FER: variants seen among roughly 807,000 people sequenced by gnomAD.
FER encodes FER tyrosine kinase.
A neutral mutation model predicts 111.0 loss-of-function variants in FER; 63 were observed. The ratio of observed to expected loss-of-function variants is 0.57; its 90% CI spans 0.46 to 0.70. The LOEUF is 0.70. Ranked by LOEUF, FER falls within the 30% of genes least tolerant of loss-of-function variation. FER has a pLI of 0.00. For missense variants in FER, 914 were observed against 954.0 expected (o/e 0.96, Z 0.55); for synonymous variants, 327 against 313.9 (o/e 1.04, Z -0.44).
chr5:109,171,930 T>C (rs1213131509), intron 17 of FER, among the ~76,000 whole-genome samples: 1 of 152,130 alleles, frequency 6.6e-6, no homozygotes, highest in Non-Finnish European at 1.5e-5. Flanking sequence ...AAAACCACAG[T>C]GAGATACCAT....
At chr5:108,991,193 C>A (rs1763122569) in intron 13 of FER, among the ~76,000 whole-genome samples, 1 of 151,732 alleles carries the variant, frequency 6.6e-6, no homozygotes, top group Non-Finnish European at 1.5e-5. Context: ...GCATGTCTGT[C>A]TCATTTTGTA....
At chr5:109,092,278 T>C (rs1224600743) in intron 16 of FER, among the ~76,000 whole-genome samples, 1 of 77,726 alleles carries the variant, frequency 1.3e-5, no homozygotes, top group Admixed American at 2.1e-4. Context: ...AAAAACCTTA[T>C]GATGGCAAAA....
chr5:108,997,305 C>T, intron 13 of FER, among the ~76,000 whole-genome samples: 1 of 149,910 alleles, frequency 6.7e-6, no homozygotes, highest in Non-Finnish European at 1.5e-5. Context: ...GTAGTCCCAG[C>T]TACTCGGGAG....
chr5:109,146,776 G>A (rs1754267745), intron 17 of FER, among the ~76,000 whole-genome samples: 1 of 152,040 alleles, frequency 6.6e-6, no homozygotes, highest in Non-Finnish European at 1.5e-5. Context: ...AGGTTAATAT[G>A]TTGCTCCATA....
At chr5:109,108,451 G>A (rs1357415225) in intron 17 of FER, among the ~76,000 whole-genome samples, 1 of 152,148 alleles carries the variant, frequency 6.6e-6, no homozygotes, top group Non-Finnish European at 1.5e-5. Flanking sequence ...AAGCCTTGTT[G>A]TAGGGAGAAG....
Position 108,949,067 on chromosome 5 carries a change from T to TGGAA in FER, c.1329+2845_1329+2846insGGAA, listed in dbSNP as rs1757381028. On this transcript the variant is annotated intron_variant, in intron 11 of 19. Transcript: ENST00000281092. ...TATTAGAAAATAAAAATTGCTTCCT[T>TGGAA]CATATAGAATAATATTGTAAGTAAG... is the stretch of plus-strand genomic sequence containing the variant. 2.0e-5 allele frequency among the ~76,000 whole-genome samples: 3 copies of TGGAA among 152,246 alleles called. No individual in the cohort carries two copies. In the East Asian group the frequency reaches 5.8e-4, roughly 29 times the overall value.
intron 18 of FER, among the ~76,000 whole-genome samples, chr5:109,184,376 A>G (rs565316290): frequency 6.6e-6 from 1 of 152,154 alleles, no homozygotes; most frequent in South Asian, 2.1e-4. Flanking sequence ...TATGAAGATC[A>G]AGTGAGACAT....
intron 8 of FER, among the ~76,000 whole-genome samples, chr5:108,876,563 G>A (rs1158126471): frequency 6.6e-6 from 1 of 152,136 alleles, no homozygotes; most frequent in Non-Finnish European, 1.5e-5. Context: ...TTTCAAATGT[G>A]GCACTTTTAA....
intron 9 of FER, among the ~76,000 whole-genome samples, chr5:108,887,238 A>G (rs1378346341): frequency 2.6e-5 from 4 of 151,718 alleles, no homozygotes; most frequent in African/African-American, 9.7e-5. Context: ...ACTTAATAGA[A>G]ATAACAGTAT....
chr5:109,111,268 G>A (rs1182312260), intron 17 of FER, among the ~76,000 whole-genome samples: 2 of 152,058 alleles, frequency 1.3e-5, no homozygotes, highest in Non-Finnish European at 2.9e-5. Flanking sequence ...GAATAACCGT[G>A]TTGTTGCTAG....
At chr5:108,916,256 G>C (rs983461036) in intron 10 of FER, among the ~76,000 whole-genome samples, 1 of 151,990 alleles carries the variant, frequency 6.6e-6, no homozygotes, top group African/African-American at 2.4e-5. Flanking sequence ...AGATACTTAG[G>C]AAAATTCATT....
chr5:109,021,809 C>G lies in FER; in HGVS notation c.1657-15613C>G, dbSNP rs563203724. Among the ~76,000 whole-genome samples, 7 of 151,962 alleles carry G rather than the reference C, an allele frequency of 4.6e-5. 1 individual carries two copies. Among genetic ancestry groups the G allele is most frequent in the African/African-American group, 9.6e-5 (4 of 41,502 alleles). On this transcript the variant is annotated intron_variant, in intron 13 of 19. Transcript: ENST00000281092. ...CGTTGTGAAATGTGTGCATTTTGTT[C>G]CTAAAAGTTGTTGTTTTTTCATGTT...
intron 17 of FER, among the ~76,000 whole-genome samples, chr5:109,172,711 A>C (rs1184779582): frequency 1.3e-5 from 2 of 152,152 alleles, no homozygotes; most frequent in Non-Finnish European, 2.9e-5. Flanking sequence ...AAATGTTTTT[A>C]ATCTGTACCC....
At chr5:108,815,252 AAAATGT>A (rs1357920322) in intron 3 of FER, among the ~76,000 whole-genome samples, 1 of 152,122 alleles carries the variant, frequency 6.6e-6, no homozygotes, top group Non-Finnish European at 1.5e-5. Flanking sequence ...TTTCCAGGCC[AAAATGT>A]AAATGTACCT....
intron 2 of FER, among the ~76,000 whole-genome samples, chr5:108,783,189 T>C (rs547101396): frequency 6.6e-6 from 1 of 152,218 alleles, no homozygotes; most frequent in African/African-American, 2.4e-5. Context: ...GGGTGAATTC[T>C]GTTGTTCTGT....
chr5:108,759,958 T>C (rs116316169), intron 1 of FER, among the ~76,000 whole-genome samples: 2,641 of 152,314 alleles, frequency 0.017, 31 homozygotes, highest in Middle Eastern at 0.071. Flanking sequence ...TCATCCATAA[T>C]ACAGGTATAT....
At chr5:108,973,129 C>G (rs989190752) in intron 13 of FER, among the ~76,000 whole-genome samples, 1 of 151,958 alleles carries the variant, frequency 6.6e-6, no homozygotes, top group African/African-American at 2.4e-5. Context: ...TTTAATATTC[C>G]TTATTTGAAA....
In FER at chr5:108,964,324, G is replaced by T. The variant is rs147877504; in HGVS notation, c.1656+4977G>T. ...ATATTATCAAAGAAAGCCTCCTAAT[G>T]AATTTTGGACAGAGACGTAAATGGA... On this transcript the variant is annotated intron_variant, in intron 13 of 19. Coordinates refer to ENST00000281092, the MANE Select transcript of FER (RefSeq NM_005246.4). Among the ~76,000 whole-genome samples the T allele has an allele frequency of 1.5e-3, 229 of 152,282 alleles. 1 individual carries two copies. Among genetic ancestry groups the T allele is most frequent in the South Asian group, 2.7e-3 (13 of 4,826 alleles).
At chr5:108,910,556 G>A (rs1447261499) in intron 10 of FER, among the ~76,000 whole-genome samples, 2 of 152,000 alleles carry the variant, frequency 1.3e-5, no homozygotes, top group Non-Finnish European at 2.9e-5. Context: ...ATAATGGTGG[G>A]GTTTGGGCTT....
Sources: allele counts gnomAD v4.1 joint callset (sites outside exome capture counted in the v4.1 genomes callset), GRCh38; gene constraint gnomAD v4.1.1; transcripts MANE v1.5; gene names NCBI Gene and HGNC (gene_info 2026-07-23, HGNC 2026-07-21).